The following PGBD5 variants were observed in gnomAD, a reference collection of about 807,000 sequenced individuals.
PGBD5 encodes the protein piggyBac transposable element-derived protein 5.
Under a neutral mutation model 47.9 loss-of-function variants are expected in PGBD5, and 14 were observed. The observed-to-expected ratio is 0.29, with a 90% confidence interval of 0.19 to 0.46. PGBD5 has a LOEUF of 0.46. PGBD5 is among the 20% of genes least tolerant of loss of function. The probability of loss-of-function intolerance (pLI) is 1.00; values close to 1 mark genes in which losing one functional copy is unlikely to be tolerated. For missense variants in PGBD5, 635 were observed against 716.0 expected (o/e 0.89, Z 1.29); for synonymous variants, 316 against 306.3 (o/e 1.03, Z -0.33).
chr1:230,315,951 T>G lies in PGBD5; in HGVS notation c.*7474A>C, dbSNP rs370114053. The G allele has an allele frequency of 7.9e-6, 1 of 126,072 alleles. No homozygotes were observed. Among genetic ancestry groups the G allele is most frequent in the East Asian group, 2.3e-4 (1 of 4,290 alleles). The allele number at this position is 126,072 out of a possible 1,614,324, so 7.8% of individuals were successfully genotyped here. A position where few individuals can be genotyped will look rare whatever the true frequency, so the allele number is the denominator to read the frequency against. On this transcript the variant is annotated 3_prime_UTR_variant, in exon 7 of 7. Coordinates refer to ENST00000391860, the MANE Select transcript of PGBD5 (RefSeq NM_001258311.2). Reference sequence around the variant, plus strand: ...GTACACATATATGTATGTGTATACATACATAAGTATATGTGTACACATATA... The same window carrying G: ...GTACACATATATGTATGTGTATACAGACATAAGTATATGTGTACACATATA...
chr1:230,408,960 T>C (rs1442146446), intron 1 of PGBD5, among the ~76,000 whole-genome samples: 1 of 152,208 alleles, frequency 6.6e-6, no homozygotes, highest in Non-Finnish European at 1.5e-5. Flanking sequence ...ATATATCTGA[T>C]AAGACTATAT....
intron 1 of PGBD5, among the ~76,000 whole-genome samples, chr1:230,404,595 G>C (rs760227986): frequency 7.0e-5 from 9 of 128,836 alleles, no homozygotes; most frequent in Non-Finnish European, 1.1e-4. Flanking sequence ...GGGTGAGACA[G>C]AGCAAAGTCT....
chr1:230,377,872 T>C (rs1668038663), intron 1 of PGBD5, among the ~76,000 whole-genome samples: 1 of 152,246 alleles, frequency 6.6e-6, no homozygotes, highest in Non-Finnish European at 1.5e-5. Context: ...GCAGACATGG[T>C]AATCAGGCTC....
chr1:230,398,657 T>C (rs1657058362), intron 1 of PGBD5, among the ~76,000 whole-genome samples: 1 of 152,130 alleles, frequency 6.6e-6, no homozygotes, highest in Admixed American at 6.5e-5. Context: ...CAAGGCCCTC[T>C]CCCCAGCAGA....
In PGBD5 at chr1:230,381,864, G is replaced by C. The variant is rs151227980; in HGVS notation, c.332-24543C>G. Among the ~76,000 whole-genome samples, 490 of 151,796 alleles carry C rather than the reference G, an allele frequency of 3.2e-3. 1 individual carries two copies. The highest frequency in any genetic ancestry group is 5.5e-3 in the Non-Finnish European group (374 of 67,944). ...TGGGATCACTGCATGCTGTGCCCTCGGGCTACAGTACCCACTCCTGTCCCT... is the reference window on the plus strand; with the variant it reads ...TGGGATCACTGCATGCTGTGCCCTCCGGCTACAGTACCCACTCCTGTCCCT... On this transcript the variant is annotated intron_variant, in intron 1 of 6. Transcript: ENST00000391860.
chr1:230,356,685 C>T (rs1172282157), intron 2 of PGBD5, among the ~76,000 whole-genome samples: 6 of 152,222 alleles, frequency 3.9e-5, no homozygotes, highest in Admixed American at 3.9e-4. Flanking sequence ...TCTGACTTGT[C>T]TGAAGGCTGG....
intron 1 of PGBD5, among the ~76,000 whole-genome samples, chr1:230,419,195 G>A (rs765444784): frequency 3.2e-5 from 4 of 125,154 alleles, no homozygotes; most frequent in Non-Finnish European, 4.9e-5. Flanking sequence ...AAGAAAATAT[G>A]GTGCACATAC....
intron 1 of PGBD5, among the ~76,000 whole-genome samples, chr1:230,360,520 C>T (rs1006581980): frequency 3.9e-5 from 6 of 152,082 alleles, no homozygotes; most frequent in South Asian, 2.1e-4. Context: ...ATCATGGGGG[C>T]GGGTCCCCCA....
chr1:230,413,843 T>G (rs995648059), intron 1 of PGBD5, among the ~76,000 whole-genome samples: 1 of 152,208 alleles, frequency 6.6e-6, no homozygotes, highest in Non-Finnish European at 1.5e-5. Flanking sequence ...GGCTAGAACC[T>G]CTGCTTCTTA....
intron 3 of PGBD5, among the ~76,000 whole-genome samples, chr1:230,339,641 T>C (rs1667380540): frequency 8.3e-6 from 1 of 120,118 alleles, no homozygotes; most frequent in Admixed American, 8.8e-5. Flanking sequence ...AAAGGAAATG[T>C]GGCATATACA....
Position 230,323,725 on chromosome 1 carries a change from GC to G in PGBD5, c.1380-106del, listed in dbSNP as rs1558189194. On this transcript the variant is annotated intron_variant, in intron 6 of 6. Coordinates refer to ENST00000391860, the MANE Select transcript of PGBD5 (RefSeq NM_001258311.2). The surrounding 1 kb of genome is among the most constrained non-coding windows in gnomAD (Gnocchi z 4.1). Reference sequence around the variant, plus strand: ...ACAGCCCGTGAGACGCTGCAGGTTCGCCCCCGACAGAAGCAGGAGGGCTATG... The same window carrying G: ...ACAGCCCGTGAGACGCTGCAGGTTCGCCCCGACAGAAGCAGGAGGGCTATG... 15 of 1,135,176 alleles carry G rather than the reference GC, an allele frequency of 1.3e-5. 1 individual carries two copies. The highest frequency in any genetic ancestry group is 1.0e-4 in the South Asian group (7 of 66,830). 70.3% of individuals were successfully genotyped at this position (1,135,176 alleles called of 1,614,324 possible).
At chr1:230,329,121 T>TG (rs113648366) in intron 5 of PGBD5, among the ~76,000 whole-genome samples, 66,998 of 139,474 alleles carry the variant, frequency 0.48, 16,564 homozygotes, top group Non-Finnish European at 0.59. Context: ...TAATTTTTTT[T>TG]TGGGGGGGGA....
intron 1 of PGBD5, among the ~76,000 whole-genome samples, chr1:230,358,917 TAAGTG>T (rs1421242947): frequency 1.3e-5 from 2 of 152,214 alleles, no homozygotes; most frequent in Non-Finnish European, 2.9e-5. Flanking sequence ...TCTCTGTCAT[TAAGTG>T]AAGCATGACT....
chr1:230,398,515 C>G (rs78396957), intron 1 of PGBD5, among the ~76,000 whole-genome samples: 2 of 152,134 alleles, frequency 1.3e-5, no homozygotes, highest in African/African-American at 4.8e-5. Flanking sequence ...TTTTGAAGTA[C>G]TAGGGGTTAG....
intron 1 of PGBD5, among the ~76,000 whole-genome samples, chr1:230,392,591 C>T (rs1037020971): frequency 1.3e-5 from 2 of 152,216 alleles, no homozygotes; most frequent in African/African-American, 4.8e-5. Context: ...CCTGCCTCCT[C>T]CGGACTCTCC....
intron 1 of PGBD5, among the ~76,000 whole-genome samples, chr1:230,383,582 G>A (rs1387107575): frequency 6.6e-6 from 1 of 152,016 alleles, no homozygotes; most frequent in East Asian, 1.9e-4. Flanking sequence ...ATGTTGCCCA[G>A]GCTGGTCTTG....
At chr1:230,387,731 G>A (rs56815552) in intron 1 of PGBD5, among the ~76,000 whole-genome samples, 11,717 of 152,178 alleles carry the variant, frequency 0.077, 1,505 homozygotes, top group African/African-American at 0.26. Context: ...GGTCTCAGCA[G>A]CACCTTCATC....
intron 1 of PGBD5, chr1:230,377,461 G>T: frequency 1.2e-6 from 2 of 1,602,582 alleles, no homozygotes; most frequent in Non-Finnish European, 1.7e-6. Context: ...AAGATCTCTT[G>T]CCCAGAGCTG....
intron 1 of PGBD5, chr1:230,368,015 C>T (rs752614766): frequency 1.0e-5 from 14 of 1,367,422 alleles, no homozygotes; most frequent in Non-Finnish European, 1.3e-5. Flanking sequence ...CCCCACGCCA[C>T]ACCACACCCC....
Sources: gnomAD v4.1 joint callset for allele counts (sites outside exome capture counted in the v4.1 genomes callset) on GRCh38, gnomAD v4.1.1 for gene constraint, Gnocchi (gnomAD v3.1) non-coding constraint, MANE v1.5 for transcripts, NCBI Gene and HGNC (gene_info 2026-07-23, HGNC 2026-07-21) for gene names.